Variants in PTCH1 observed in about 807,000 individuals in gnomAD.
The protein encoded by PTCH1 is patched 1, also known as protein patched homolog 1.
PTCH1 carries 14 observed loss-of-function variants against 144.6 expected under a neutral mutation model. That is an observed-to-expected ratio of 0.10 (90% CI 0.06 to 0.15). The LOEUF (loss-of-function observed/expected upper bound fraction) is 0.15, where lower values mean the gene tolerates loss of function less well. PTCH1 is among the 10% of genes least tolerant of loss of function. The pLI is 1.00. For synonymous variants in PTCH1, 833 were observed against 793.6 expected (o/e 1.05, Z -0.83); for missense variants, 1,623 against 1,948.3 (o/e 0.83, Z 3.14).
In PTCH1 at chr9:95,469,902, G is replaced by A. The variant is rs2118096020; in HGVS notation, c.1758C>T (p.Ala586=). 6.2e-7 allele frequency: 1 copy of A among 1,614,024 alleles called. No individual in the cohort carries two copies. Among genetic ancestry groups the A allele is most frequent in the Non-Finnish European group, 8.5e-7 (1 of 1,180,010 alleles). The change falls in exon 13 of 24, where the codon GCC becomes GCT. Residue 586 remains alanine, a synonymous_variant. Transcript: ENST00000331920. ...QAAVVVVFNF[A]MVLLIFPAIL... is the part of the protein sequence containing the mutation. ...TTGCAGGAAAAATGAGCAGAACCAT[G>A]GCAAAATTGAACACCACTACTACCG... is the stretch of plus-strand genomic sequence containing the variant.
intron 20 of PTCH1, chr9:95,450,380 AT>A (rs1185886149): frequency 3.8e-6 from 1 of 260,050 alleles, no homozygotes; most frequent in Non-Finnish European, 7.5e-6. Context: ...AATTTAAACA[AT>A]TTAGCCCAGG....
At chr9:95,469,365 AGGC>A (rs1840351902) in intron 13 of PTCH1, among the ~76,000 whole-genome samples, 1 of 152,206 alleles carries the variant, frequency 6.6e-6, no homozygotes. Flanking sequence ...CAGTCTGAGG[AGGC>A]CACATGGAGG....
At chr9:95,459,850 G>C in intron 16 of PTCH1, 67 bp from the exon 17 acceptor site, 1 of 1,538,498 alleles carries the variant, frequency 6.5e-7, no homozygotes, top group Non-Finnish European at 8.9e-7. Flanking sequence ...TCTGCCTTGA[G>C]AGCACAGAAG....
intron 18 of PTCH1, among the ~76,000 whole-genome samples, chr9:95,457,696 A>G (rs1037069137): frequency 1.3e-5 from 2 of 152,192 alleles, no homozygotes; most frequent in Admixed American, 1.3e-4. Flanking sequence ...ACACTTTTCA[A>G]TTAAAGAAAA....
chr9:95,453,674 G>A, intron 19 of PTCH1, 54 bp from the exon 20 acceptor site: 4 of 1,606,136 alleles, frequency 2.5e-6, no homozygotes, highest in Non-Finnish European at 8.5e-7. Flanking sequence ...CCTGGTAAAT[G>A]CTCAGCTCTG....
intron 1 of PTCH1, 149 bp from the exon 2 acceptor site, chr9:95,506,748 C>T: frequency 5.6e-6 from 6 of 1,063,828 alleles, no homozygotes; most frequent in Non-Finnish European, 7.3e-6. Flanking sequence ...AGACTGCAGC[C>T]CCGGCGGATC....
At chr9:95,453,081 G>A (rs1304027405) in intron 20 of PTCH1, 2 of 330,566 alleles carry the variant, frequency 6.1e-6, no homozygotes, top group Non-Finnish European at 1.2e-5. Context: ...ACGAGGTGCT[G>A]CAATCTACCA....
At chr9:95,453,694 T>C (rs558120913) in intron 19 of PTCH1, 74 bp from the exon 20 acceptor site, 186 of 1,590,186 alleles carry the variant, frequency 1.2e-4, no homozygotes, top group Admixed American at 1.7e-4. Context: ...GTCCTAAATG[T>C]TACAAGCTCT....
rs1308038974 is a variant in PTCH1 at position 95,509,187 on chromosome 9, T to G, written c.-826A>C. On this transcript the variant is annotated 5_prime_UTR_variant, in exon 1 of 24. Coordinates refer to ENST00000331920, the MANE Select transcript of PTCH1 (RefSeq NM_000264.5). Reference sequence around the variant, plus strand: ...GGCAGCGGCCGCAGCAGCTCCTTGATTCAATAGATGAGATGGAAGAAGAAA... The same window carrying G: ...GGCAGCGGCCGCAGCAGCTCCTTGAGTCAATAGATGAGATGGAAGAAGAAA... 2.7e-4 allele frequency among the ~76,000 whole-genome samples: 40 copies of G among 150,770 alleles called. No individual in the cohort carries two copies.
chr9:95,474,388 A>G (rs1270569665), intron 12 of PTCH1, among the ~76,000 whole-genome samples: 3 of 152,172 alleles, frequency 2.0e-5, no homozygotes, highest in Non-Finnish European at 4.4e-5. Flanking sequence ...AAGGCATTCT[A>G]CAACTTCAGC....
chr9:95,508,099 G>C (rs1444420911), intron 1 of PTCH1, 62 bp downstream of exon 1: 2 of 1,602,184 alleles, frequency 1.2e-6, no homozygotes, highest in Non-Finnish European at 8.5e-7. Flanking sequence ...GTGTGTGGCG[G>C]GGGCGATCCC....
rs754826635 is a variant in PTCH1, at chr9:95,447,065, G to C, written c.4191C>G (p.Leu1397=). 2.5e-6 allele frequency: 4 copies of C among 1,614,022 alleles called. No homozygotes were observed. Among genetic ancestry groups the C allele is most frequent in the Admixed American group, 1.7e-5 (1 of 60,014 alleles). Residue 1397 remains leucine (L), a synonymous_variant, in exon 23 of 24, where the codon CTC becomes CTG. Transcript: ENST00000331920. ...PGPGRNPRGG[L]CPGYPETDHG... is the part of the protein sequence containing the mutation. ...GGTCAGTCTCAGGGTAGCCTGGGCAGAGTCCCCCTCGGGGGTTCCGCCCAG... is the reference window on the plus strand; with the variant it reads ...GGTCAGTCTCAGGGTAGCCTGGGCACAGTCCCCCTCGGGGGTTCCGCCCAG...
intron 1 of PTCH1, among the ~76,000 whole-genome samples, chr9:95,514,972 T>C (rs1844301277): frequency 6.6e-6 from 1 of 152,194 alleles, no homozygotes; most frequent in African/African-American, 2.4e-5. Flanking sequence ...AGGCATTTTA[T>C]AGCCTTGTGG....
At chr9:95,503,033 T>C (rs1843265201) in intron 2 of PTCH1, among the ~76,000 whole-genome samples, 1 of 152,236 alleles carries the variant, frequency 6.6e-6, no homozygotes, top group South Asian at 2.1e-4. Flanking sequence ...TCTTCCAAAC[T>C]ATCCCTCAGC....
intron 1 of PTCH1, 117 bp downstream of exon 1, chr9:95,508,042 AGT>A (rs962367211): frequency 2.7e-3 from 2,266 of 830,372 alleles, no homozygotes; most frequent in East Asian, 4.7e-3. Flanking sequence ...GGTGTGAGTG[AGT>A]GTGTGTGTGT....
chr9:95,511,850 G>T (rs1298906810), upstream of PTCH1, among the ~76,000 whole-genome samples: 1 of 152,212 alleles, frequency 6.6e-6, no homozygotes, highest in African/African-American at 2.4e-5. Flanking sequence ...GGGGAGGGGG[G>T]TAGTACCCCT....
At chr9:95,446,829 G>A (rs1732661113) in intron 23 of PTCH1, 82 bp downstream of exon 23, 3 of 1,583,864 alleles carry the variant, frequency 1.9e-6, no homozygotes, top group Non-Finnish European at 1.7e-6. Flanking sequence ...GCCCCTCGGG[G>A]ATGCCGAGAA....
At position 95,482,157 on chromosome 9, in the gene PTCH1, T is replaced by C. The variant is rs776773031; in HGVS notation, c.631A>G (p.Thr211Ala). Residue 211 changes from threonine (T) to alanine (A), a missense_variant, in exon 4 of 24, where the codon ACA becomes GCA. Coordinates refer to ENST00000331920, the MANE Select transcript of PTCH1 (RefSeq NM_000264.5). The stretch of plus-strand genomic sequence containing the variant: ...ACCTGATCCATGTAACCTGTTTCTG[T>C]GATAAGCTCTCCTGATTTGTAACAC... ...HLCYKSGELI[T>A]ETGYMDQIIE... The C allele has an allele frequency of 1.2e-6, 2 of 1,614,198 alleles. No individual in the cohort carries two copies. The highest frequency in any genetic ancestry group is 2.2e-5 in the South Asian group (2 of 91,088).
At chr9:95,465,442 A>G (rs1479998938) in intron 15 of PTCH1, among the ~76,000 whole-genome samples, 1 of 152,248 alleles carries the variant, frequency 6.6e-6, no homozygotes, top group Non-Finnish European at 1.5e-5. Context: ...ATTGCTTTCT[A>G]AACTAAATGT....
Sources: allele counts gnomAD v4.1 joint callset (sites outside exome capture counted in the v4.1 genomes callset), GRCh38; gene constraint gnomAD v4.1.1; transcripts MANE v1.5; gene names NCBI Gene and HGNC (gene_info 2026-07-23, HGNC 2026-07-21).